FASN: variants seen among roughly 807,000 people sequenced by gnomAD.
The protein encoded by FASN is 3-hydroxyacyl-[acyl-carrier-protein] dehydratase.
Under a neutral mutation model 250.0 loss-of-function variants are expected in FASN, and 50 were observed. The ratio of observed to expected loss-of-function variants is 0.20; its 90% CI spans 0.16 to 0.25. FASN has a LOEUF of 0.25. FASN is among the 10% of genes least tolerant of loss of function. FASN has a pLI of 1.00. For missense variants in FASN, 3,031 were observed against 3,498.5 expected (o/e 0.87, Z 3.37); for synonymous variants, 1,909 against 1,584.0 (o/e 1.21, Z -4.87).
At chr17:82,080,037 G>T in intron 41 of FASN, 103 bp downstream of exon 41, 1 of 1,248,156 alleles carries the variant, frequency 8.0e-7, no homozygotes, top group Non-Finnish European at 1.2e-6. Flanking sequence ...GTGAAGTTGG[G>T]GGGCCTTTAA....
rs146626315 is a variant in FASN, at chr17:82,087,093, C to T, written c.3384G>A (p.Leu1128=). 5.8e-5 allele frequency: 93 copies of T among 1,611,786 alleles called. No homozygotes were observed. Among genetic ancestry groups the T allele is most frequent in the Admixed American group, 1.7e-4 (10 of 59,994 alleles). The change falls in exon 21 of 43, where the codon CTG becomes CTA. Residue 1128 remains leucine (L), a synonymous_variant. Coordinates refer to ENST00000306749, the MANE Select transcript of FASN (RefSeq NM_004104.5). ...CFTPHTEEGC[L]SERAALQEEL... is the part of the protein sequence containing the mutation. ...CCTCCTGCAGGGCAGCGCGCTCAGACAGGCACCCCTCCTCCGTGTGGGGAG... is the reference window on the plus strand; with the variant it reads ...CCTCCTGCAGGGCAGCGCGCTCAGATAGGCACCCCTCCTCCGTGTGGGGAG...
rs772267167 is a variant in FASN, at chr17:82,091,240, G to A, written c.1474C>T (p.Leu492Phe). The A allele has an allele frequency of 1.9e-6, 3 of 1,600,366 alleles. No individual in the cohort carries two copies. Among genetic ancestry groups the A allele is most frequent in the African/African-American group, 1.3e-5 (1 of 74,902 alleles). The change falls in exon 9 of 43, where the codon CTC (leucine) becomes TTC (phenylalanine). Residue 492 changes from leucine (L) to phenylalanine (F), a missense_variant. Leu to Phe is a conservative substitution (Grantham distance 22). Transcript: ENST00000306749. Reference sequence around the variant, plus strand: ...GGCTCACCAGAGCAGATGAACCAGAGCGGGCGCTCGCCAGCGGGCACCTGC... The same window carrying A: ...GGCTCACCAGAGCAGATGAACCAGAACGGGCGCTCGCCAGCGGGCACCTGC... ...VQQVPAGERP[L>F]WFICSGMGTQ...
At position 82,079,188 on chromosome 17, in the gene FASN, G is replaced by T. The variant is rs146832319; in HGVS notation, c.7491C>A (p.Ile2497=). The T allele has an allele frequency of 1.8e-4, 284 of 1,612,892 alleles. No homozygotes were observed. The highest frequency in any genetic ancestry group is 2.3e-4 in the Non-Finnish European group (267 of 1,179,950). The change falls in exon 43 of 43, where the codon ATC becomes ATA. Residue 2497 remains isoleucine (I), a synonymous_variant. Coordinates refer to ENST00000306749, the MANE Select transcript of FASN (RefSeq NM_004104.5). ...CGCGTGGCTCAGCCAGGGAGCTGTG[G>T]ATGATGCTGATGATGGACTCCAGGC... ...GSGLESIISI[I]HSSLAEPRVS...
At chr17:82,093,562 G>A in intron 4 of FASN, 36 bp downstream of exon 4, 1 of 1,612,292 alleles carries the variant, frequency 6.2e-7, no homozygotes, top group Non-Finnish European at 8.5e-7. Context: ...GGACCTGAAG[G>A]CCACCCACCT....
chr17:82,084,600 C>T lies in FASN; in HGVS notation c.4681G>A (p.Ala1561Thr), dbSNP rs758188160. The T allele has an allele frequency of 5.0e-6, 8 of 1,609,616 alleles. No individual in the cohort carries two copies. Among genetic ancestry groups the T allele is most frequent in the African/African-American group, 2.7e-5 (2 of 74,890 alleles). The change falls in exon 27 of 43, where the codon GCC (alanine) becomes ACC (threonine). Residue 1561 changes from alanine to threonine, a missense_variant. Physicochemically the swap from Ala to Thr is moderately conservative, Grantham distance 58. Coordinates refer to ENST00000306749, the MANE Select transcript of FASN (RefSeq NM_004104.5). ...GCGTAGTAGACCGTGCAGAGCTGGG[C>T]GCCAGGGCAGGTGGGCTGGGCATGG... ...LRHAQPTCPG[A>T]QLCTVYYASL...
intron 3 of FASN, chr17:82,094,315 C>A: frequency 5.2e-6 from 1 of 193,844 alleles, no homozygotes; most frequent in Non-Finnish European, 1.1e-5. Context: ...GGTCTGGCAG[C>A]AGGAAGGGCG....
At chr17:82,086,946 C>T (rs2144793194) in intron 21 of FASN, 104 bp downstream of exon 21, 2 of 1,372,764 alleles carry the variant, frequency 1.5e-6, no homozygotes, top group Non-Finnish European at 2.0e-6. Flanking sequence ...GGTTGCTGAC[C>T]CCAAAGGGGG....
intron 15 of FASN, 52 bp from the exon 16 acceptor site, chr17:82,088,614 T>G (rs2034148015): frequency 6.3e-7 from 1 of 1,579,778 alleles, no homozygotes; most frequent in Non-Finnish European, 8.6e-7. Flanking sequence ...GTCCAGGGGC[T>G]CTGGGTTCAG....
At position 82,079,558 on chromosome 17, in the gene FASN, G is replaced by A. The variant is rs146918693; in HGVS notation, c.7197C>T (p.Ala2399=). 2.2e-4 allele frequency: 357 copies of A among 1,606,806 alleles called. No homozygotes were observed. Among genetic ancestry groups the A allele is most frequent in the Non-Finnish European group, 2.7e-4 (322 of 1,179,904 alleles). Reference sequence around the variant, plus strand: ...GGCTCTTGATGATCAGGTCCACGGCGGCTGCCACACGCTCCTCTAGGCCCT... The same window carrying A: ...GGCTCTTGATGATCAGGTCCACGGCAGCTGCCACACGCTCCTCTAGGCCCT... The part of the protein sequence containing the change: ...PLKGLEERVA[A]AVDLIIKSHQ... Residue 2399 remains alanine (A), a synonymous_variant, in exon 42 of 43, where the codon GCC becomes GCT. Transcript: ENST00000306749.
chr17:82,096,736 T>C (rs142765027), intron 1 of FASN: 3 of 475,012 alleles, frequency 6.3e-6, no homozygotes, highest in South Asian at 4.1e-5. Context: ...CCTGCAGCCC[T>C]GGCCTCCCCA....
In FASN at chr17:82,091,233, A is replaced by G; in HGVS notation, c.1481T>C (p.Phe494Ser). Residue 494 changes from phenylalanine to serine, a missense_variant, in exon 9 of 43, where the codon TTC becomes TCC. Transcript: ENST00000306749. ...QVPAGERPLW[F>S]ICSGMGTQWR... The stretch of plus-strand genomic sequence containing the variant: ...GAGTGTGGGCTCACCAGAGCAGATG[A>G]ACCAGAGCGGGCGCTCGCCAGCGGG... The G allele has an allele frequency of 6.2e-7, 1 of 1,601,110 alleles. No homozygotes were observed. Among genetic ancestry groups the G allele is most frequent in the Non-Finnish European group, 8.5e-7 (1 of 1,175,190 alleles).
chr17:82,079,129 G>A lies in FASN; in HGVS notation c.*14C>T, dbSNP rs755866211. 14 of 1,607,942 alleles carry A rather than the reference G, an allele frequency of 8.7e-6. No homozygotes were observed. In the Admixed American group the frequency reaches 1.7e-4, roughly 19 times the overall value. The stretch of plus-strand genomic sequence containing the variant: ...ATGGTGGAGTGACCTCCGGTGGCAG[G>A]CGGGGGCACGGGCCTAGCCCTCCCG... On this transcript the variant is annotated 3_prime_UTR_variant, in exon 43 of 43. Coordinates refer to ENST00000306749, the MANE Select transcript of FASN (RefSeq NM_004104.5).
At position 82,087,797 on chromosome 17, in the gene FASN, G is replaced by A. The variant is rs773611973; in HGVS notation, c.2931C>T (p.Pro977=). 18 of 1,612,506 alleles carry A rather than the reference G, an allele frequency of 1.1e-5. No individual in the cohort carries two copies. The highest frequency in any genetic ancestry group is 1.4e-5 in the Non-Finnish European group (16 of 1,179,942). The stretch of plus-strand genomic sequence containing the variant: ...CCAGGAAGAGGGGCTCCGTGGGGTT[G>A]GGGGTGGGGCTTTCCGGGTGGTCGA... ...RLFDHPESPT[P]NPTEPLFLAQ... Residue 977 remains proline, a synonymous_variant, in exon 19 of 43, where the codon CCC becomes CCT. Coordinates refer to ENST00000306749, the MANE Select transcript of FASN (RefSeq NM_004104.5).
intron 19 of FASN, 67 bp downstream of exon 19, chr17:82,087,618 C>G: frequency 1.2e-6 from 2 of 1,601,972 alleles, no homozygotes; most frequent in Non-Finnish European, 1.7e-6. Context: ...TGTGGGTGCC[C>G]TCTGTGGTCC....
Position 82,079,511 on chromosome 17 carries a change from T to C in FASN, c.7244A>G (p.Glu2415Gly). 6.2e-7 allele frequency: 1 copy of C among 1,612,026 alleles called. No individual in the cohort carries two copies. The highest frequency in any genetic ancestry group is 2.2e-5 in the East Asian group (1 of 44,868). The change falls in exon 42 of 43, where the codon GAG becomes GGG. Residue 2415 changes from glutamate to glycine, a missense_variant. Physicochemically the swap from Glu to Gly is moderately conservative, Grantham distance 98. Transcript: ENST00000306749. Reference protein sequence around the residue: ...IKSHQGLDRQELSFAARSFYY... With the variant: ...IKSHQGLDRQGLSFAARSFYY... ...GAAGGACCGGGCCGCAAAGCTCAGC[T>C]CCTGGCGGTCCAGGCCCTGGTGGCT... is the stretch of plus-strand genomic sequence containing the variant.
chr17:82,089,654 G>A lies in FASN; in HGVS notation c.1943C>T (p.Thr648Ile), dbSNP rs2034167544. 3.7e-6 allele frequency: 6 copies of A among 1,604,578 alleles called. No homozygotes were observed. The highest frequency in any genetic ancestry group is 1.3e-5 in the African/African-American group (1 of 74,842). ...CACCTGAGGTCCCGAGATGGTGACT[G>A]TGTCCTTGGAGTTGTGGCAGGCGGG... ...VVPACHNSKD[T>I]VTISGPQAPV... Residue 648 changes from threonine to isoleucine, a missense_variant, in exon 12 of 43, where the codon ACA (threonine) becomes ATA (isoleucine). Thr to Ile is a moderately conservative substitution (Grantham distance 89). Transcript: ENST00000306749.
In FASN at chr17:82,085,497, C is replaced by T; in HGVS notation, c.4107G>A (p.Gln1369=). The change falls in exon 23 of 43, where the codon CAG becomes CAA. Residue 1369 remains glutamine, a synonymous_variant. Coordinates refer to ENST00000306749, the MANE Select transcript of FASN (RefSeq NM_004104.5). The part of the protein sequence containing the change: ...FLTSTEPQYG[Q]GILSQDAWES... ...GCGGCCGCACCTGGCTCAGGATGCC[C>T]TGGCCATACTGCGGCTCAGTGGAGG... 2.5e-6 allele frequency: 4 copies of T among 1,593,342 alleles called. No homozygotes were observed. The highest frequency in any genetic ancestry group is 3.4e-6 in the Non-Finnish European group (4 of 1,170,806).
chr17:82,087,000 T>C, intron 21 of FASN, 50 bp downstream of exon 21: 1 of 1,596,992 alleles, frequency 6.3e-7, no homozygotes, highest in Non-Finnish European at 8.5e-7. Context: ...GGGGAGGCGA[T>C]CGCTCCTCAT....
At chr17:82,094,766 T>C (rs1458102057) in intron 3 of FASN, among the ~76,000 whole-genome samples, 3 of 151,446 alleles carry the variant, frequency 2.0e-5, no homozygotes, top group Non-Finnish European at 2.9e-5. Flanking sequence ...TCCAACCTGG[T>C]GACAGAGTGA....
Sources: gnomAD v4.1 joint callset for allele counts (sites outside exome capture counted in the v4.1 genomes callset) on GRCh38, gnomAD v4.1.1 for gene constraint, MANE v1.5 for transcripts, NCBI Gene and HGNC (gene_info 2026-07-23, HGNC 2026-07-21) for gene names.